Variants in CLEC16A observed in about 807,000 individuals in gnomAD.
CLEC16A encodes the protein C-type lectin domain containing 16A, also known as protein CLEC16A.
CLEC16A carries 51 observed loss-of-function variants against 109.5 expected under a neutral mutation model. That is an observed-to-expected ratio of 0.47 (90% CI 0.37 to 0.59). The LOEUF is 0.59. Ranked by LOEUF, CLEC16A falls within the 20% of genes least tolerant of loss-of-function variation. The pLI is 0.00. For missense variants in CLEC16A, 1,339 were observed against 1,394.0 expected, an observed-to-expected ratio of 0.96 and a Z score of 0.63; for synonymous variants, 673 against 564.2, an observed-to-expected ratio of 1.19 and a Z score of -2.73.
In CLEC16A at chr16:10,979,491, C is replaced by T. The variant is rs188252853; in HGVS notation, c.957+109C>T. 5.3e-6 allele frequency: 5 copies of T among 940,092 alleles called. No individual in the cohort carries two copies. In the Admixed American group the frequency reaches 9.3e-5, roughly 17 times the overall value. The allele number at this position is 940,092 out of a possible 1,614,324, so 58.2% of individuals were successfully genotyped here. On this transcript the variant is annotated intron_variant, in intron 9 of 23. Coordinates refer to ENST00000409790, the MANE Select transcript of CLEC16A (RefSeq NM_015226.3). ...ATCACCCCATCTTCTCTGTCCCCCC[C>T]ATGCTGGAGTAAAATAACAGCAAAA...
rs200520322 is a variant in CLEC16A, at chr16:11,166,489, A to G, written c.2743A>G (p.Ser915Gly). Residue 915 changes from serine to glycine, a missense_variant, in exon 23 of 24, where the codon AGC becomes GGC. Coordinates refer to ENST00000409790, the MANE Select transcript of CLEC16A (RefSeq NM_015226.3). ...GAGCCCCAGCGGCAGCGGGAGCACC[A>G]GCCACTGCGACTCTGGAGGCACCAG... Reference protein sequence around the residue: ...SGSPSGSGSTSHCDSGGTSSS... With the variant: ...SGSPSGSGSTGHCDSGGTSSS... 1.2e-6 allele frequency: 2 copies of G among 1,609,456 alleles called. No homozygotes were observed. Among genetic ancestry groups the G allele is most frequent in the East Asian group, 2.2e-5 (1 of 44,868 alleles).
chr16:11,077,028 C>A (rs1409749202), intron 19 of CLEC16A, among the ~76,000 whole-genome samples: 1 of 152,208 alleles, frequency 6.6e-6, no homozygotes, highest in African/African-American at 2.4e-5. Context: ...ATCACAAGGA[C>A]TGATCATTAG....
rs145082036 is a variant in CLEC16A at position 11,180,540 on chromosome 16, A to T, written c.*1850A>T. ...AAGGACCACAGCATCAGGAGACGGG[A>T]CACGCCACACCCAGCAGGCAGCCTG... On this transcript the variant is annotated 3_prime_UTR_variant, in exon 24 of 24. Transcript: ENST00000409790. 9.6e-3 allele frequency: 1,470 copies of T among 152,578 alleles called. 26 individuals carry two copies. Among genetic ancestry groups the T allele is most frequent in the African/African-American group, 0.034 (1,396 of 41,590 alleles). The allele number at this position is 152,578 out of a possible 1,614,324, so 9.5% of individuals were successfully genotyped here. A position where few individuals can be genotyped will look rare whatever the true frequency, so the allele number is the denominator to read the frequency against.
At chr16:10,988,045 C>G (rs1444370568) in intron 10 of CLEC16A, among the ~76,000 whole-genome samples, 1 of 152,194 alleles carries the variant, frequency 6.6e-6, no homozygotes, top group Non-Finnish European at 1.5e-5. Context: ...TCATATGGTT[C>G]CTGCTAAAGG....
chr16:11,033,429 A>G (rs1331240346), intron 13 of CLEC16A, among the ~76,000 whole-genome samples: 1 of 152,184 alleles, frequency 6.6e-6, no homozygotes, highest in African/African-American at 2.4e-5. Flanking sequence ...GAAAAGTTCA[A>G]GTCCGGTGCC....
rs890673797 is a variant in CLEC16A, at chr16:11,093,877, C to A, written c.2117-26738C>A. On this transcript the variant is annotated intron_variant, in intron 19 of 23. Transcript: ENST00000409790. Reference sequence around the variant, plus strand: ...TGGAGGCGGCAGCTGGTGAAACATGCCTCTCTCATTCACCCCAGGTGAGAG... The same window carrying A: ...TGGAGGCGGCAGCTGGTGAAACATGACTCTCTCATTCACCCCAGGTGAGAG... 2.0e-5 allele frequency among the ~76,000 whole-genome samples: 3 copies of A among 152,146 alleles called. No individual in the cohort carries two copies. In the South Asian group the frequency reaches 6.2e-4, roughly 32 times the overall value.
At chr16:11,007,828 T>C (rs1216322773) in intron 11 of CLEC16A, among the ~76,000 whole-genome samples, 1 of 151,856 alleles carries the variant, frequency 6.6e-6, no homozygotes, top group Non-Finnish European at 1.5e-5. Flanking sequence ...GTGTGTGTAA[T>C]GGTGGGAAGA....
intron 19 of CLEC16A, among the ~76,000 whole-genome samples, chr16:11,089,944 C>T (rs1169690193): frequency 6.6e-6 from 1 of 152,242 alleles, no homozygotes; most frequent in African/African-American, 2.4e-5. Context: ...GAATTCCTGC[C>T]TCCTTCATGT....
At chr16:11,061,128 T>C in intron 19 of CLEC16A, 106 bp downstream of exon 19, 1 of 1,297,002 alleles carries the variant, frequency 7.7e-7, no homozygotes, top group Non-Finnish European at 1.0e-6. Context: ...GCAACCTACA[T>C]TTTGTACTAT....
chr16:11,162,585 G>C (rs1049389617), intron 22 of CLEC16A, among the ~76,000 whole-genome samples: 1 of 152,214 alleles, frequency 6.6e-6, no homozygotes, highest in African/African-American at 2.4e-5. Context: ...TCTGGACAAG[G>C]GGGAAAGAGA....
At chr16:11,133,352 A>T (rs28393710) in intron 22 of CLEC16A, among the ~76,000 whole-genome samples, 3 of 151,024 alleles carry the variant, frequency 2.0e-5, no homozygotes, top group African/African-American at 7.4e-5. Flanking sequence ...AAAAAAAAAA[A>T]ATTTTTTTTT....
chr16:11,058,514 A>C (rs2152899034), intron 18 of CLEC16A, among the ~76,000 whole-genome samples: 1 of 148,818 alleles, frequency 6.7e-6, no homozygotes, highest in South Asian at 2.1e-4. Flanking sequence ...AGTTGAGTAC[A>C]GATGCAACCC....
At chr16:10,972,797 G>T in intron 6 of CLEC16A, 141 bp from the exon 7 acceptor site, 1 of 932,186 alleles carries the variant, frequency 1.1e-6, no homozygotes, top group Non-Finnish European at 1.6e-6. Context: ...GTATTTCCAG[G>T]AAAGACAGAC....
At chr16:11,067,865 A>G (rs965409553) in intron 19 of CLEC16A, among the ~76,000 whole-genome samples, 1 of 152,218 alleles carries the variant, frequency 6.6e-6, no homozygotes, top group Non-Finnish European at 1.5e-5. Flanking sequence ...GCCTAGGTAC[A>G]GGGGCTTTTA....
intron 16 of CLEC16A, among the ~76,000 whole-genome samples, chr16:11,044,930 A>AT (rs2047556023): frequency 6.6e-6 from 1 of 151,324 alleles, no homozygotes. Flanking sequence ...TCCATCTCAA[A>AT]AAAAAAAAAA....
At chr16:10,963,060 C>CA (rs370960419) in intron 3 of CLEC16A, among the ~76,000 whole-genome samples, 1,963 of 150,578 alleles carry the variant, frequency 0.013, 34 homozygotes, top group African/African-American at 0.045. Flanking sequence ...TTGTCTCCAA[C>CA]AACAACAAAA....
At chr16:11,087,546 A>G (rs1319219530) in intron 19 of CLEC16A, among the ~76,000 whole-genome samples, 3 of 152,250 alleles carry the variant, frequency 2.0e-5, no homozygotes, top group Non-Finnish European at 4.4e-5. Flanking sequence ...TTGGTTTAGA[A>G]GGCTGGGTTA....
chr16:10,967,239 G>C (rs1279808433), intron 3 of CLEC16A, among the ~76,000 whole-genome samples: 1 of 152,160 alleles, frequency 6.6e-6, no homozygotes, highest in Non-Finnish European at 1.5e-5. Flanking sequence ...CGGGCTCCCA[G>C]ATTCCTCTTT....
At chr16:10,977,479 G>GA in intron 8 of CLEC16A, 80 bp downstream of exon 8, 12 of 1,259,268 alleles carry the variant, frequency 9.5e-6, no homozygotes, top group South Asian at 1.4e-5. Context: ...CTGGAATGGG[G>GA]CTGAGCATTG....
Sources: gnomAD v4.1 joint callset for allele counts (sites outside exome capture counted in the v4.1 genomes callset) on GRCh38, gnomAD v4.1.1 for gene constraint, MANE v1.5 for transcripts, NCBI Gene and HGNC (gene_info 2026-07-23, HGNC 2026-07-21) for gene names.